The following SLX4 variants were observed in gnomAD, a reference collection of about 807,000 sequenced individuals.
SLX4 encodes structure-specific endonuclease subunit SLX4.
Under a neutral mutation model 146.2 loss-of-function variants are expected in SLX4, and 112 were observed. The ratio of observed to expected loss-of-function variants is 0.77; its 90% CI spans 0.66 to 0.90. The LOEUF (loss-of-function observed/expected upper bound fraction) is 0.90, where lower values mean the gene tolerates loss of function less well. Ranked by LOEUF, SLX4 falls within the 40% of genes least tolerant of loss-of-function variation. The probability of loss-of-function intolerance (pLI) is 0.00; values close to 1 mark genes in which losing one functional copy is unlikely to be tolerated. For synonymous variants in SLX4, 1,061 were observed against 997.7 expected, an observed-to-expected ratio of 1.06 and a Z score of -1.20; for missense variants, 2,563 against 2,392.7, an observed-to-expected ratio of 1.07 and a Z score of -1.49.
chr16:3,594,113 C>T (rs777007520), intron 10 of SLX4, among the ~76,000 whole-genome samples: 5 of 152,074 alleles, frequency 3.3e-5, no homozygotes, highest in East Asian at 1.9e-4. Context: ...GTGATCTGCC[C>T]GCCTCGGCCT....
At position 3,597,165 on chromosome 16, in the gene SLX4, AC is replaced by A. The variant is rs1267324964; in HGVS notation, c.1683+213del. Among the ~76,000 whole-genome samples, 12 of 152,180 alleles carry A rather than the reference AC, an allele frequency of 7.9e-5. No individual in the cohort carries two copies. In the East Asian group the frequency reaches 2.1e-3, roughly 27 times the overall value. ...AAACTCCAGGAACACACTCTGGTGGACACCAAGGGTCCTCCCTGATCCTACC... is the reference window on the plus strand; with the variant it reads ...AAACTCCAGGAACACACTCTGGTGGAACCAAGGGTCCTCCCTGATCCTACC... On this transcript the variant is annotated intron_variant, in intron 7 of 14. Transcript: ENST00000294008. The surrounding 1 kb of genome is among the most constrained non-coding windows in gnomAD (Gnocchi z 4.4).
intron 9 of SLX4, among the ~76,000 whole-genome samples, chr16:3,595,315 G>A (rs531661681): frequency 6.6e-6 from 1 of 152,326 alleles, no homozygotes; most frequent in South Asian, 2.1e-4. Context: ...ACACTCCTGG[G>A]ACCCAGGACA....
chr16:3,602,008 G>A (rs2040732304), intron 4 of SLX4, 110 bp downstream of exon 4: 1 of 1,277,624 alleles, frequency 7.8e-7, no homozygotes, highest in African/African-American at 1.5e-5. Context: ...TGACAACAAA[G>A]CTGAGGTGCT....
At chr16:3,602,363 CA>C (rs2040738014) in intron 3 of SLX4, 56 bp from the exon 4 acceptor site, 1 of 1,595,104 alleles carries the variant, frequency 6.3e-7, no homozygotes, top group Non-Finnish European at 8.5e-7. Flanking sequence ...AGCTCACCCT[CA>C]GACCTCTGCT....
chr16:3,603,185 C>T (rs962486165), intron 3 of SLX4, among the ~76,000 whole-genome samples: 33 of 152,208 alleles, frequency 2.2e-4, no homozygotes, highest in African/African-American at 8.0e-4. Context: ...TCCTGAGTAG[C>T]TGGGATTACA....
At chr16:3,584,377 C>T (rs1275398980) in intron 13 of SLX4, among the ~76,000 whole-genome samples, 6 of 151,990 alleles carry the variant, frequency 3.9e-5, no homozygotes, top group Non-Finnish European at 7.4e-5. Context: ...GCCGGGACTG[C>T]GCCACTGCAC....
intron 5 of SLX4, 148 bp from the exon 6 acceptor site, chr16:3,598,147 TTG>T: frequency 1.1e-6 from 1 of 887,614 alleles, no homozygotes; most frequent in Non-Finnish European, 1.8e-6. Context: ...TTCCACTGCC[TTG>T]TGTGAACTCA....
chr16:3,609,075 TG>T lies in SLX4; in HGVS notation c.-112del. On this transcript the variant is annotated 5_prime_UTR_variant, in exon 2 of 15. The change creates a premature stop within an existing upstream ORF in the 5' untranslated region. Coordinates refer to ENST00000294008, the MANE Select transcript of SLX4 (RefSeq NM_032444.4). The stretch of plus-strand genomic sequence containing the variant: ...GAAGTATCTTTGTTCAAATTGGGCC[TG>T]TGGTTAAACATGTTTAAAGCTTCCC... 7.4e-7 allele frequency: 1 copy of T among 1,354,522 alleles called. No individual in the cohort carries two copies. The highest frequency in any genetic ancestry group is 1.0e-6 in the Non-Finnish European group (1 of 984,956). 83.9% of individuals were successfully genotyped at this position (1,354,522 alleles called of 1,614,324 possible).
At position 3,596,134 on chromosome 16, in the gene SLX4, G is replaced by T. The variant is rs113075119; in HGVS notation, c.1924+19C>A. On this transcript the variant is annotated intron_variant, in intron 8 of 14. Transcript: ENST00000294008. The stretch of plus-strand genomic sequence containing the variant: ...CCGGGAGGGCAGGGCTGGCCCTAGA[G>T]TCCCACCCAGCATCTCACCTGCAGT... The T allele has an allele frequency of 1.3e-3, 1,942 of 1,546,412 alleles. 14 individuals are homozygous for T. In the African/African-American group the frequency reaches 0.022, roughly 18 times the overall value.
chr16:3,606,754 T>C, intron 2 of SLX4, 56 bp from the exon 3 acceptor site: 1 of 1,588,496 alleles, frequency 6.3e-7, no homozygotes, highest in Non-Finnish European at 8.6e-7. Flanking sequence ...AATAAAAGAC[T>C]TTTCTACCAG....
intron 5 of SLX4, among the ~76,000 whole-genome samples, chr16:3,598,690 A>G (rs902333188): frequency 1.3e-5 from 2 of 152,230 alleles, no homozygotes; most frequent in Non-Finnish European, 2.9e-5. Context: ...CTTCCCTGCA[A>G]TGCAGTCATG....
In SLX4 at chr16:3,583,446, T is replaced by G. The variant is rs756198942; in HGVS notation, c.4804A>C (p.Thr1602Pro). ...GAGTCTGAGTCCAGGGTCTGGTGAG[T>G]GTACTGGAATATCTCCTTCAGCTTC... ...VLKLKEIFQY[T>P]HQTLDSDSED... The change falls in exon 14 of 15, where the codon ACT (threonine) becomes CCT (proline). Residue 1602 changes from threonine (T) to proline (P), a missense_variant. Physicochemically the swap from Thr to Pro is conservative, Grantham distance 38. Transcript: ENST00000294008. The G allele has an allele frequency of 3.1e-6, 5 of 1,613,954 alleles. No homozygotes were observed. The highest frequency in any genetic ancestry group is 4.2e-6 in the Non-Finnish European group (5 of 1,179,988).
intron 3 of SLX4, among the ~76,000 whole-genome samples, chr16:3,604,119 C>G (rs1312171527): frequency 1.3e-5 from 2 of 151,344 alleles, no homozygotes; most frequent in South Asian, 4.2e-4. Flanking sequence ...GTAATCCCAG[C>G]TACTCAGGAG....
At position 3,602,217 on chromosome 16, in the gene SLX4, T is replaced by C. The variant is rs778405275; in HGVS notation, c.851A>G (p.His284Arg). 1.2e-6 allele frequency: 2 copies of C among 1,614,206 alleles called. No homozygotes were observed. The highest frequency in any genetic ancestry group is 1.7e-6 in the Non-Finnish European group (2 of 1,180,038). Residue 284 changes from histidine (H) to arginine (R), a missense_variant, in exon 4 of 15, where the codon CAT (histidine) becomes CGT (arginine). His to Arg is a conservative substitution (Grantham distance 29, BLOSUM62 0). Transcript: ENST00000294008. ...ACCCTTTTCCTCCAGGCTATCATCA[T>C]GTGCCGATGCTCCTACCCGTGCAAA... ...QEFARVGASA[H>R]DDSLEEKGLF...
At chr16:3,585,062 C>T (rs1233174397) in intron 12 of SLX4, among the ~76,000 whole-genome samples, 191 bp from the exon 13 acceptor site, 4 of 152,248 alleles carry the variant, frequency 2.6e-5, no homozygotes, top group South Asian at 2.1e-4. Context: ...ATCGGTGACA[C>T]GCACTGAGGA....
Position 3,589,240 on chromosome 16 carries a change from G to GTCACT in SLX4, c.4397_4398insAGTGA (p.Asp1466GlufsTer43). On this transcript the variant is annotated frameshift_variant, in exon 12 of 15. Transcript: ENST00000294008. LOFTEE classifies it high-confidence loss of function. The surrounding 1 kb of genome is among the most constrained non-coding windows in gnomAD (Gnocchi z 6.2). ...TGTCCAGGAGTCCCGGGGAGCGACAGTCACGGCTGTCGGCGGCCTCGTTCA... is the reference window on the plus strand; with the variant it reads ...TGTCCAGGAGTCCCGGGGAGCGACAGTCACTTCACGGCTGTCGGCGGCCTCGTTCA... 1 of 1,608,358 alleles carries GTCACT rather than the reference G, an allele frequency of 6.2e-7. No individual in the cohort carries two copies. The highest frequency in any genetic ancestry group is 1.3e-5 in the African/African-American group (1 of 74,846).
At position 3,596,424 on chromosome 16, in the gene SLX4, G is replaced by A. The variant is rs573424583; in HGVS notation, c.1684-31C>T. The A allele has an allele frequency of 1.1e-5, 18 of 1,566,214 alleles. No homozygotes were observed. The Admixed American group carries it at 2.3e-4, about 20-fold the overall frequency. ...AGAAGCCAGTAAGGAGAGTGACCAC[G>A]TGGTCACTGTCATTGACGCACACAC... On this transcript the variant is annotated intron_variant, in intron 7 of 14. Coordinates refer to ENST00000294008, the MANE Select transcript of SLX4 (RefSeq NM_032444.4).
chr16:3,601,150 G>A lies in SLX4; in HGVS notation c.992C>T (p.Pro331Leu). Residue 331 changes from proline (P) to leucine (L), a missense_variant, in exon 5 of 15, where the codon CCT (proline) becomes CTT (leucine). By Grantham distance (98) the Pro-to-Leu change is moderately conservative. Coordinates refer to ENST00000294008, the MANE Select transcript of SLX4 (RefSeq NM_032444.4). Reference protein sequence around the residue: ...EAEKTLRPSVPQIPECPICGK... With the variant: ...EAEKTLRPSVLQIPECPICGK... ...ACAAATCGGGCACTCAGGGATCTGA[G>A]GCACAGAAGGTCTTAGTGTCTTTTC... 1 of 1,614,140 alleles carries A rather than the reference G, an allele frequency of 6.2e-7. No individual in the cohort carries two copies. Among genetic ancestry groups the A allele is most frequent in the Non-Finnish European group, 8.5e-7 (1 of 1,180,036 alleles).
chr16:3,608,543 CCCT>C lies in SLX4; in HGVS notation c.419_421del (p.Glu140del). 1 of 1,614,138 alleles carries C rather than the reference CCCT, an allele frequency of 6.2e-7. No homozygotes were observed. On this transcript the variant is annotated inframe_deletion, in exon 2 of 15. Transcript: ENST00000294008. ...ATCTGGAGCAGAGGCAAGCACACCC[CCCT>C]CCCCATTCACAGAGTGGGCCGGTTC...
Sources: allele counts gnomAD v4.1 joint callset (sites outside exome capture counted in the v4.1 genomes callset), GRCh38; gene constraint gnomAD v4.1.1; non-coding constraint Gnocchi (gnomAD v3.1); transcripts MANE v1.5; gene names NCBI Gene and HGNC (gene_info 2026-07-23, HGNC 2026-07-21).